ZNF722: variants seen among roughly 807,000 people sequenced by gnomAD.
ZNF722 encodes the protein zinc finger protein 479 pseudogene.
At chr7:64,007,349 G>C in the ZNF722 span, among the ~76,000 whole-genome samples, 1 of 151,640 alleles carries the variant, frequency 6.6e-6, no homozygotes, top group Non-Finnish European at 1.5e-5. Context: ...CCATTAACTT[G>C]TCATGTACAT....
At chr7:64,005,018 G>A in the ZNF722 span, among the ~76,000 whole-genome samples, 1 of 152,172 alleles carries the variant, frequency 6.6e-6, no homozygotes, top group African/African-American at 2.4e-5. Flanking sequence ...TCTGTATGAT[G>A]TAAATATAGC....
the ZNF722 span, among the ~76,000 whole-genome samples, chr7:64,000,729 G>A: frequency 6.6e-6 from 1 of 151,724 alleles, no homozygotes; most frequent in Admixed American, 6.6e-5. Context: ...GGGATTACAG[G>A]AATAAGTTAT....
At chr7:64,014,449 C>T in the ZNF722 span, among the ~76,000 whole-genome samples, 16,459 of 152,022 alleles carry the variant, frequency 0.11, 1,088 homozygotes, top group African/African-American at 0.18. Flanking sequence ...CATAAAACTA[C>T]CTTTCACAAT....
the ZNF722 span, among the ~76,000 whole-genome samples, chr7:64,013,232 A>G: frequency 6.6e-6 from 1 of 151,958 alleles, no homozygotes; most frequent in Non-Finnish European, 1.5e-5. Context: ...TGAGGTCTTA[A>G]TGTTTATAAT....
chr7:64,018,013 T>A, the ZNF722 span, among the ~76,000 whole-genome samples: 7 of 152,188 alleles, frequency 4.6e-5, no homozygotes, highest in Non-Finnish European at 8.8e-5. Context: ...AATTGTACCT[T>A]TATGTAATAA....
the ZNF722 span, among the ~76,000 whole-genome samples, chr7:64,009,145 C>T: frequency 6.6e-6 from 1 of 152,198 alleles, no homozygotes; most frequent in Non-Finnish European, 1.5e-5. Flanking sequence ...AGATTTTGGA[C>T]TGAGACAATG....
the ZNF722 span, among the ~76,000 whole-genome samples, chr7:64,000,416 C>T: frequency 1.2e-4 from 15 of 120,276 alleles, no homozygotes; most frequent in Admixed American, 3.0e-4. Context: ...GGATTACAGG[C>T]GTGAGCCACC....
the ZNF722 span, among the ~76,000 whole-genome samples, chr7:64,016,630 A>T: frequency 6.6e-6 from 1 of 152,290 alleles, no homozygotes; most frequent in South Asian, 2.1e-4. Flanking sequence ...CAATGTCTTT[A>T]AAAAGTCCTC....
the ZNF722 span, chr7:64,016,095 C>T: frequency 1.4e-5 from 8 of 558,380 alleles, no homozygotes; most frequent in Non-Finnish European, 2.5e-5. Context: ...GTAACAAAGC[C>T]TTTGACCAAC....
the ZNF722 span, among the ~76,000 whole-genome samples, chr7:64,001,047 G>T: frequency 6.6e-6 from 1 of 152,108 alleles, no homozygotes; most frequent in Non-Finnish European, 1.5e-5. Flanking sequence ...AACGTTCTGG[G>T]GTTACAGGCA....
At chr7:64,003,670 A>T in the ZNF722 span, among the ~76,000 whole-genome samples, 11 of 152,152 alleles carry the variant, frequency 7.2e-5, no homozygotes, top group Non-Finnish European at 1.3e-4. Flanking sequence ...TTCTGAAAAA[A>T]AATATTTTTT....
At chr7:64,008,637 G>T in the ZNF722 span, among the ~76,000 whole-genome samples, 5 of 151,766 alleles carry the variant, frequency 3.3e-5, no homozygotes, top group Non-Finnish European at 5.9e-5. Context: ...TGCTGTTTTG[G>T]TTACTGTAGC....
chr7:63,999,135 G>T, the ZNF722 span: 3 of 1,040,924 alleles, frequency 2.9e-6, no homozygotes, highest in East Asian at 2.5e-5. Context: ...GTCCCAGCTC[G>T]GCTTTTAGTC....
At chr7:64,000,558 C>T in the ZNF722 span, among the ~76,000 whole-genome samples, 14 of 131,526 alleles carry the variant, frequency 1.1e-4, no homozygotes, top group African/African-American at 4.0e-4. Flanking sequence ...TCAAGTGATT[C>T]TCCTGCCTCA....
the ZNF722 span, chr7:64,015,921 T>C: frequency 1.3e-6 from 2 of 1,482,660 alleles, no homozygotes; most frequent in Non-Finnish European, 9.3e-7. Context: ...AAGTAAATAA[T>C]GTGGCAAATT....
chr7:64,000,598 C>T, the ZNF722 span, among the ~76,000 whole-genome samples: 3 of 150,098 alleles, frequency 2.0e-5, no homozygotes, highest in Admixed American at 1.3e-4. Flanking sequence ...TTACAGGTAC[C>T]CACCACCACA....
chr7:64,001,965 C>G, the ZNF722 span, among the ~76,000 whole-genome samples: 1 of 152,032 alleles, frequency 6.6e-6, no homozygotes, highest in Non-Finnish European at 1.5e-5. Flanking sequence ...CTCACTGCAA[C>G]CTCTGCCCTC....
the ZNF722 span, among the ~76,000 whole-genome samples, chr7:64,000,852 A>G: frequency 6.6e-6 from 1 of 151,884 alleles, no homozygotes; most frequent in Non-Finnish European, 1.5e-5. Context: ...ATCTCACCTC[A>G]TTACAACCTC....
At chr7:64,007,222 T>TTG in the ZNF722 span, among the ~76,000 whole-genome samples, 9 of 131,814 alleles carry the variant, frequency 6.8e-5, no homozygotes, top group Non-Finnish European at 9.4e-5. Flanking sequence ...ATTTGTGTGT[T>TTG]TGTGTGTGTA....
Sources: gnomAD v4.1 joint callset for allele counts (sites outside exome capture counted in the v4.1 genomes callset) on GRCh38, gnomAD v4.1.1 for gene constraint, MANE v1.5 for transcripts, NCBI Gene and HGNC (gene_info 2026-07-23, HGNC 2026-07-21) for gene names.